Variants in BRINP1 observed in about 807,000 individuals in gnomAD.
BRINP1 encodes the protein BMP/retinoic acid inducible neural specific 1, also known as BMP/retinoic acid-inducible neural-specific protein 1.
BRINP1 carries 17 observed loss-of-function variants against 72.9 expected under a neutral mutation model. The ratio of observed to expected loss-of-function variants is 0.23; its 90% CI spans 0.16 to 0.35. BRINP1 has a LOEUF of 0.35. Among genes scored for constraint, BRINP1 ranks in the 10% least tolerant of loss-of-function variants. The pLI, the probability that BRINP1 is intolerant of heterozygous loss-of-function variation, is 1.00. For synonymous variants in BRINP1, 418 were observed against 378.5 expected (o/e 1.10, Z -1.21); for missense variants, 850 against 1,001.6 (o/e 0.85, Z 2.04).
intron 2 of BRINP1, among the ~76,000 whole-genome samples, chr9:119,296,429 A>C (rs1326181380): frequency 6.6e-6 from 1 of 152,220 alleles, no homozygotes; most frequent in Non-Finnish European, 1.5e-5. Context: ...AAATTTATAC[A>C]GCCATTTTGG....
At chr9:119,317,016 G>A (rs776237793) in intron 1 of BRINP1, among the ~76,000 whole-genome samples, 4 of 151,712 alleles carry the variant, frequency 2.6e-5, no homozygotes, top group East Asian at 1.9e-4. Flanking sequence ...GCTTGAACCC[G>A]GGAGGCGGAG....
chr9:119,301,602 C>T lies in BRINP1; in HGVS notation c.218+11536G>A, dbSNP rs187805324. 8.5e-5 allele frequency among the ~76,000 whole-genome samples: 13 copies of T among 152,194 alleles called. No homozygotes were observed. The East Asian group carries it at 2.3e-3, about 27-fold the overall frequency. ...TGAGGGAGCTGTTCTGTCTCTTGATCGCAGTGGTGGTTACATGAATCCACA... is the reference window on the plus strand; with the variant it reads ...TGAGGGAGCTGTTCTGTCTCTTGATTGCAGTGGTGGTTACATGAATCCACA... On this transcript the variant is annotated intron_variant, in intron 2 of 7. Transcript: ENST00000265922.
chr9:119,272,637 A>C (rs1830619180), intron 2 of BRINP1, among the ~76,000 whole-genome samples: 1 of 152,170 alleles, frequency 6.6e-6, no homozygotes, highest in Non-Finnish European at 1.5e-5. Flanking sequence ...GAAGGGGAAC[A>C]TGGACTCTGT....
At chr9:119,183,375 T>C (rs754463547) in intron 7 of BRINP1, among the ~76,000 whole-genome samples, 6 of 151,836 alleles carry the variant, frequency 4.0e-5, no homozygotes, top group Non-Finnish European at 8.8e-5. Context: ...GATGAAAAGG[T>C]GAAAGAAACC....
intron 2 of BRINP1, among the ~76,000 whole-genome samples, chr9:119,303,433 C>T (rs556169832): frequency 3.3e-5 from 5 of 152,208 alleles, no homozygotes; most frequent in African/African-American, 4.8e-5. Context: ...CTGGCGAGCA[C>T]GGTGCAGTAG....
At chr9:119,328,112 T>C (rs936297071) in intron 1 of BRINP1, among the ~76,000 whole-genome samples, 1 of 151,986 alleles carries the variant, frequency 6.6e-6, no homozygotes, top group African/African-American at 2.4e-5. Context: ...TGAAAAGAGA[T>C]AGTACGATGG....
chr9:119,334,074 C>T (rs901990525), intron 1 of BRINP1, among the ~76,000 whole-genome samples: 3 of 152,148 alleles, frequency 2.0e-5, no homozygotes, highest in African/African-American at 4.8e-5. Context: ...AGAAGAAGGC[C>T]GCTTCCCTGC....
At chr9:119,286,844 CA>C in intron 2 of BRINP1, among the ~76,000 whole-genome samples, 1 of 152,154 alleles carries the variant, frequency 6.6e-6, no homozygotes, top group East Asian at 1.9e-4. Flanking sequence ...CGATTTTGGT[CA>C]AGACGCCTAT....
At chr9:119,329,300 T>A (rs546452286) in intron 1 of BRINP1, among the ~76,000 whole-genome samples, 1 of 152,136 alleles carries the variant, frequency 6.6e-6, no homozygotes, top group Non-Finnish European at 1.5e-5. Context: ...TGAAATCAGG[T>A]GAAAAGTTCT....
At chr9:119,181,952 T>C (rs577039216) in intron 7 of BRINP1, among the ~76,000 whole-genome samples, 2 of 152,312 alleles carry the variant, frequency 1.3e-5, no homozygotes, top group Non-Finnish European at 2.9e-5. Context: ...TGATGTGCAT[T>C]AAGTTTCTAA....
intron 4 of BRINP1, among the ~76,000 whole-genome samples, chr9:119,239,449 G>T (rs1227824776): frequency 2.0e-5 from 3 of 152,180 alleles, no homozygotes; most frequent in Admixed American, 1.3e-4. Flanking sequence ...GGGTAAGAGA[G>T]GAACAGCTAT....
At chr9:119,233,020 T>C (rs1830161892) in intron 5 of BRINP1, among the ~76,000 whole-genome samples, 2 of 112,116 alleles carry the variant, frequency 1.8e-5, no homozygotes, top group Admixed American at 1.9e-4. Context: ...ATCCTGTTCT[T>C]TCTTTTTTTT....
chr9:119,309,183 T>C (rs2118991029), intron 2 of BRINP1, among the ~76,000 whole-genome samples: 1 of 152,324 alleles, frequency 6.6e-6, no homozygotes, highest in Admixed American at 6.5e-5. Context: ...ATCTAAGTTA[T>C]TGCTCATCCC....
At chr9:119,354,602 G>A (rs1234890871) in intron 1 of BRINP1, among the ~76,000 whole-genome samples, 1 of 152,084 alleles carries the variant, frequency 6.6e-6, no homozygotes, top group African/African-American at 2.4e-5. Flanking sequence ...GCTCACACCT[G>A]TAATCCCAGC....
At chr9:119,290,508 G>A (rs1830810510) in intron 2 of BRINP1, among the ~76,000 whole-genome samples, 2 of 152,170 alleles carry the variant, frequency 1.3e-5, no homozygotes, top group Admixed American at 6.5e-5. Flanking sequence ...AAACTGGTAG[G>A]GAAGGAGAAT....
chr9:119,367,404 C>T (rs1280346515), intron 1 of BRINP1, among the ~76,000 whole-genome samples: 1 of 151,796 alleles, frequency 6.6e-6, no homozygotes, highest in Admixed American at 6.6e-5. Context: ...GAGAGCAGAA[C>T]GGCTGCCGCT....
At chr9:119,362,214 A>G (rs757333358) in intron 1 of BRINP1, among the ~76,000 whole-genome samples, 1 of 152,114 alleles carries the variant, frequency 6.6e-6, no homozygotes, top group Non-Finnish European at 1.5e-5. Flanking sequence ...AGAGATAAAG[A>G]TAGGTTCTTG....
At chr9:119,186,337 C>T (rs1829620291) in intron 7 of BRINP1, among the ~76,000 whole-genome samples, 1 of 151,958 alleles carries the variant, frequency 6.6e-6, no homozygotes, top group Non-Finnish European at 1.5e-5. Flanking sequence ...AGAAGCCACA[C>T]CCAAGTCAGG....
chr9:119,246,953 T>G (rs1199037974), intron 3 of BRINP1, among the ~76,000 whole-genome samples: 3 of 152,198 alleles, frequency 2.0e-5, no homozygotes, highest in Non-Finnish European at 4.4e-5. Flanking sequence ...AATGTTGTGT[T>G]GTAAAAATAG....
Sources: gnomAD v4.1 joint callset for allele counts (sites outside exome capture counted in the v4.1 genomes callset) on GRCh38, gnomAD v4.1.1 for gene constraint, MANE v1.5 for transcripts, NCBI Gene and HGNC (gene_info 2026-07-23, HGNC 2026-07-21) for gene names.